Variants in SLC7A1 observed in about 807,000 individuals in gnomAD.
The protein encoded by SLC7A1 is solute carrier family 7 member 1, also known as high affinity cationic amino acid transporter 1.
A neutral mutation model predicts 53.9 loss-of-function variants in SLC7A1; 10 were observed. The ratio of observed to expected loss-of-function variants is 0.19; its 90% CI spans 0.11 to 0.31. The LOEUF (loss-of-function observed/expected upper bound fraction) is 0.31, where lower values mean the gene tolerates loss of function less well. SLC7A1 is among the 10% of genes least tolerant of loss of function. The pLI, the probability that SLC7A1 is intolerant of heterozygous loss-of-function variation, is 1.00. For synonymous variants in SLC7A1, 342 were observed against 338.7 expected (o/e 1.01, Z -0.11); for missense variants, 525 against 827.2 (o/e 0.63, Z 4.48).
intron 9 of SLC7A1, among the ~76,000 whole-genome samples, chr13:29,518,724 C>T (rs988753293): frequency 1.3e-5 from 2 of 152,118 alleles, no homozygotes; most frequent in African/African-American, 4.8e-5. Flanking sequence ...AATGGCCTTG[C>T]AGGTGGGAAT....
At position 29,539,784 on chromosome 13, in the gene SLC7A1, A is replaced by G. The variant is rs56658114; in HGVS notation, c.-14-3582T>C. On this transcript the variant is annotated intron_variant, in intron 2 of 12. Coordinates refer to ENST00000380752, the MANE Select transcript of SLC7A1 (RefSeq NM_003045.5). The stretch of plus-strand genomic sequence containing the variant: ...GGTTACTTCTTAAGTATTGCTTGCT[A>G]TCTAGGGAGAGGGCAAACTGAATTC... Among the ~76,000 whole-genome samples the G allele has an allele frequency of 5.6e-3, 856 of 152,236 alleles. 9 individuals carry two copies. The highest frequency in any genetic ancestry group is 0.02 in the African/African-American group (816 of 41,550).
At chr13:29,567,357 T>C (rs775928511) in intron 1 of SLC7A1, among the ~76,000 whole-genome samples, 2 of 152,038 alleles carry the variant, frequency 1.3e-5, no homozygotes, top group African/African-American at 4.8e-5. Flanking sequence ...GTGGCTTACA[T>C]AGGTAAGCAG....
intron 2 of SLC7A1, among the ~76,000 whole-genome samples, chr13:29,537,515 C>T (rs1869476259): frequency 1.3e-5 from 2 of 152,122 alleles, no homozygotes; most frequent in Admixed American, 6.5e-5. Flanking sequence ...AAAAGGACAC[C>T]TGGGGAAAAT....
intron 1 of SLC7A1, among the ~76,000 whole-genome samples, chr13:29,560,015 C>G (rs3011608): frequency 6.6e-6 from 1 of 151,982 alleles, no homozygotes; most frequent in Non-Finnish European, 1.5e-5. Context: ...GCACCCGGAC[C>G]TTTTTTTTAA....
intron 2 of SLC7A1, among the ~76,000 whole-genome samples, chr13:29,543,233 A>T (rs1297696048): frequency 6.6e-6 from 1 of 152,206 alleles, no homozygotes; most frequent in Non-Finnish European, 1.5e-5. Context: ...TCATGGGGGA[A>T]AAAAGGTGGC....
At chr13:29,516,296 ATAGTT>A (rs1469157675) in intron 11 of SLC7A1, 50 bp from the exon 12 acceptor site, 1 of 1,187,394 alleles carries the variant, frequency 8.4e-7, no homozygotes, top group East Asian at 2.4e-5. Flanking sequence ...GCCGGTTCCA[ATAGTT>A]CAGTAAAACT....
At chr13:29,572,345 A>G (rs1871233918) in intron 1 of SLC7A1, among the ~76,000 whole-genome samples, 1 of 152,266 alleles carries the variant, frequency 6.6e-6, no homozygotes, top group Non-Finnish European at 1.5e-5. Context: ...CACGCTGTCA[A>G]TAATGGCAGG....
intron 11 of SLC7A1, 148 bp from the exon 12 acceptor site, chr13:29,516,394 C>T (rs1012703385): frequency 1.7e-5 from 10 of 601,554 alleles, no homozygotes; most frequent in Middle Eastern, 4.2e-4. Context: ...CACCCCCACT[C>T]CCACACCCCA....
chr13:29,565,513 C>T (rs1289489795), intron 1 of SLC7A1, among the ~76,000 whole-genome samples: 1 of 152,182 alleles, frequency 6.6e-6, no homozygotes, highest in East Asian at 1.9e-4. Flanking sequence ...CCCACCTTCT[C>T]CAGGACCTCT....
At chr13:29,542,107 C>G (rs2057793547) in intron 2 of SLC7A1, among the ~76,000 whole-genome samples, 1 of 152,144 alleles carries the variant, frequency 6.6e-6, no homozygotes, top group African/African-American at 2.4e-5. Context: ...GCATGTTCAC[C>G]TACGGGGAGT....
intron 9 of SLC7A1, among the ~76,000 whole-genome samples, chr13:29,518,205 A>G (rs777126404): frequency 1.3e-5 from 2 of 152,384 alleles, no homozygotes; most frequent in Admixed American, 6.5e-5. Flanking sequence ...ACAGAGAGCC[A>G]GAGAAATGTG....
intron 2 of SLC7A1, among the ~76,000 whole-genome samples, chr13:29,545,637 A>G (rs1250607937): frequency 6.6e-6 from 1 of 152,174 alleles, no homozygotes; most frequent in African/African-American, 2.4e-5. Flanking sequence ...TTAAATCCCA[A>G]TTACAACCTG....
chr13:29,536,894 C>A (rs1011732540), intron 2 of SLC7A1, among the ~76,000 whole-genome samples: 5 of 152,072 alleles, frequency 3.3e-5, no homozygotes, highest in Non-Finnish European at 7.3e-5. Flanking sequence ...GATATATATG[C>A]ATATCTGATA....
intron 1 of SLC7A1, among the ~76,000 whole-genome samples, chr13:29,575,709 T>C (rs1403534604): frequency 6.6e-6 from 1 of 152,170 alleles, no homozygotes; most frequent in East Asian, 1.9e-4. Context: ...TTCATACCAA[T>C]GTCTAAAAAG....
intron 3 of SLC7A1, among the ~76,000 whole-genome samples, chr13:29,534,760 C>G (rs1368569914): frequency 1.3e-5 from 2 of 151,584 alleles, no homozygotes; most frequent in Non-Finnish European, 2.9e-5. Context: ...CATGGCTCAA[C>G]TTAACAGGTC....
chr13:29,544,479 C>T (rs1869818772), intron 2 of SLC7A1, among the ~76,000 whole-genome samples: 1 of 152,164 alleles, frequency 6.6e-6, no homozygotes, highest in Admixed American at 6.5e-5. Context: ...TCTTTTCGCC[C>T]CCTTATCAGG....
intron 3 of SLC7A1, among the ~76,000 whole-genome samples, chr13:29,534,805 A>G (rs1252891903): frequency 3.0e-4 from 2 of 6,726 alleles, no homozygotes; most frequent in African/African-American, 7.3e-4. Flanking sequence ...AAAGTTTGAG[A>G]AAAAAAAAAA....
intron 2 of SLC7A1, among the ~76,000 whole-genome samples, chr13:29,542,907 A>G (rs912803243): frequency 4.6e-5 from 7 of 152,146 alleles, no homozygotes; most frequent in South Asian, 2.1e-4. Context: ...TCTGCCTACA[A>G]TGAAATATGA....
chr13:29,568,416 G>A (rs1286634979), intron 1 of SLC7A1, among the ~76,000 whole-genome samples: 1 of 152,200 alleles, frequency 6.6e-6, no homozygotes, highest in Non-Finnish European at 1.5e-5. Context: ...CCACCACTCA[G>A]CCTGCGAGAG....
Sources: gnomAD v4.1 joint callset for allele counts (sites outside exome capture counted in the v4.1 genomes callset) on GRCh38, gnomAD v4.1.1 for gene constraint, MANE v1.5 for transcripts, NCBI Gene and HGNC (gene_info 2026-07-23, HGNC 2026-07-21) for gene names.